The following CEP83 variants were observed in gnomAD, a reference collection of about 807,000 sequenced individuals.
CEP83 encodes centrosomal protein 83, also known as centrosomal protein of 83 kDa.
In CEP83, 70 loss-of-function variants were observed where a neutral mutation model predicts 101.9. That is an observed-to-expected ratio of 0.69 (90% CI 0.57 to 0.84). The LOEUF (loss-of-function observed/expected upper bound fraction) is 0.84. Among genes scored for constraint, CEP83 ranks in the 40% least tolerant of loss-of-function variants. The pLI is 0.00. For missense variants in CEP83, 715 were observed against 787.2 expected (o/e 0.91, Z 1.10); for synonymous variants, 264 against 267.9 (o/e 0.99, Z 0.14).
intron 11 of CEP83, among the ~76,000 whole-genome samples, chr12:94,354,555 A>C (rs979401800): frequency 1.3e-5 from 2 of 152,284 alleles, no homozygotes; most frequent in South Asian, 4.1e-4. Context: ...GCCACAAAAC[A>C]AGTCTCAATA....
intron 6 of CEP83, among the ~76,000 whole-genome samples, chr12:94,397,590 T>C (rs970876128): frequency 6.6e-6 from 1 of 152,066 alleles, no homozygotes; most frequent in African/African-American, 2.4e-5. Flanking sequence ...AAGTGAAAAA[T>C]AGATTAGTCA....
At chr12:94,449,673 G>T (rs77619781) in intron 1 of CEP83, among the ~76,000 whole-genome samples, 36,654 of 149,574 alleles carry the variant, frequency 0.25, 4,704 homozygotes, top group African/African-American at 0.33. Context: ...CTTGGGAGGC[G>T]GAAGCCGGAG....
chr12:94,350,220 C>A (rs2060137182), intron 11 of CEP83, among the ~76,000 whole-genome samples: 1 of 152,286 alleles, frequency 6.6e-6, no homozygotes, highest in East Asian at 1.9e-4. Context: ...AGAACTCATA[C>A]TTCCTTATTT....
intron 11 of CEP83, among the ~76,000 whole-genome samples, chr12:94,356,026 C>G (rs1222730074): frequency 1.3e-5 from 2 of 152,160 alleles, no homozygotes; most frequent in African/African-American, 4.8e-5. Context: ...TCTTTAATTC[C>G]TCTAGTGCCG....
At chr12:94,333,045 C>CAAAAAAAAAAAAAA (rs34900007) in intron 13 of CEP83, among the ~76,000 whole-genome samples, 3 of 73,170 alleles carry the variant, frequency 4.1e-5, no homozygotes, top group Non-Finnish European at 7.3e-5. Context: ...ATTTTAAGAC[C>CAAAAAAAAAAAAAA]AAAAAAAAAA....
chr12:94,280,804 G>A, the CEP83 span, among the ~76,000 whole-genome samples: 1 of 152,218 alleles, frequency 6.6e-6, no homozygotes, highest in Admixed American at 6.5e-5. Context: ...TGCCGCTGAT[G>A]AGTAGGTAGT....
the CEP83 span, among the ~76,000 whole-genome samples, chr12:94,277,417 G>A: frequency 2.0e-5 from 3 of 152,162 alleles, no homozygotes; most frequent in African/African-American, 2.4e-5. Flanking sequence ...AGAACCTCCC[G>A]AAATTTCAGA....
chr12:94,422,715 C>T (rs1251530983), intron 2 of CEP83, among the ~76,000 whole-genome samples: 1 of 152,214 alleles, frequency 6.6e-6, no homozygotes, highest in East Asian at 1.9e-4. Context: ...ACAGTACGTA[C>T]TCTCATGTAT....
At chr12:94,306,223 A>AT (rs1968994883), downstream of CEP83, 1 of 150,688 alleles carries the variant, frequency 6.6e-6, no homozygotes, top group East Asian at 1.9e-4. Context: ...CTTGTGTGTG[A>AT]TTTAAAAAAA....
chr12:94,307,753 A>G lies in CEP83; in HGVS notation c.*1060T>C, dbSNP rs563341311. ...AGTGGCTCCGTGGAAATTATTTTTCAGAGATAAGGTGTCACTGTATATGCT... is the reference window on the plus strand; with the variant it reads ...AGTGGCTCCGTGGAAATTATTTTTCGGAGATAAGGTGTCACTGTATATGCT... On this transcript the variant is annotated 3_prime_UTR_variant, in exon 17 of 17. Coordinates refer to ENST00000397809, the MANE Select transcript of CEP83 (RefSeq NM_016122.3). 6.6e-5 allele frequency: 10 copies of G among 151,548 alleles called. No homozygotes were observed. Among genetic ancestry groups the G allele is most frequent in the African/African-American group, 2.2e-4 (9 of 41,260 alleles). 9.4% of individuals were successfully genotyped at this position (151,548 alleles called of 1,614,324 possible). A position where few individuals can be genotyped will look rare whatever the true frequency, so the allele number is the denominator to read the frequency against.
the CEP83 span, among the ~76,000 whole-genome samples, chr12:94,273,937 C>T: frequency 3.3e-5 from 5 of 152,112 alleles, no homozygotes; most frequent in South Asian, 2.1e-4. Flanking sequence ...CAGAGCTCTG[C>T]GTCACCATCT....
At chr12:94,458,891 T>A (rs1330779430) in intron 1 of CEP83, among the ~76,000 whole-genome samples, 1 of 152,234 alleles carries the variant, frequency 6.6e-6, no homozygotes, top group Non-Finnish European at 1.5e-5. Context: ...TAGATACCTT[T>A]AATTGTGTTT....
At chr12:94,352,858 A>T (rs968385710) in intron 11 of CEP83, among the ~76,000 whole-genome samples, 1 of 152,226 alleles carries the variant, frequency 6.6e-6, no homozygotes, top group Non-Finnish European at 1.5e-5. Context: ...TGACACCATT[A>T]AGTGAACACA....
intron 11 of CEP83, among the ~76,000 whole-genome samples, chr12:94,357,273 T>G (rs2060522410): frequency 6.6e-6 from 1 of 152,106 alleles, no homozygotes; most frequent in Admixed American, 6.5e-5. Context: ...GCACAGGCAA[T>G]GGCAGGACTG....
chr12:94,283,019 C>T, the CEP83 span, among the ~76,000 whole-genome samples: 1 of 152,184 alleles, frequency 6.6e-6, no homozygotes, highest in Non-Finnish European at 1.5e-5. Flanking sequence ...CACTGGGATA[C>T]TGGGGTTCAC....
the CEP83 span, among the ~76,000 whole-genome samples, chr12:94,292,125 T>C: frequency 6.6e-6 from 1 of 152,240 alleles, no homozygotes; most frequent in Non-Finnish European, 1.5e-5. Flanking sequence ...ATAGTAATAA[T>C]GAACTACTTG....
the CEP83 span, among the ~76,000 whole-genome samples, chr12:94,301,392 TA>T: frequency 2.0e-5 from 3 of 152,228 alleles, no homozygotes; most frequent in Non-Finnish European, 4.4e-5. Context: ...GAAATTTGCC[TA>T]AATCAATTCT....
chr12:94,281,236 G>A, the CEP83 span, among the ~76,000 whole-genome samples: 12 of 152,114 alleles, frequency 7.9e-5, no homozygotes, highest in East Asian at 1.9e-4. Flanking sequence ...CCCAGATTGC[G>A]CCACTGTACT....
chr12:94,335,727 T>A, intron 11 of CEP83, 63 bp from the exon 12 acceptor site: 4 of 1,083,574 alleles, frequency 3.7e-6, no homozygotes, highest in Non-Finnish European at 5.4e-6. Context: ...TTTCACTGAA[T>A]TAAAGAGTCA....
Sources: gnomAD v4.1 joint callset for allele counts (sites outside exome capture counted in the v4.1 genomes callset) on GRCh38, gnomAD v4.1.1 for gene constraint, MANE v1.5 for transcripts, NCBI Gene and HGNC (gene_info 2026-07-23, HGNC 2026-07-21) for gene names.